The following RNASEH2B variants were observed in gnomAD, a reference collection of about 807,000 sequenced individuals.
RNASEH2B encodes the protein ribonuclease H2 subunit B.
Under a neutral mutation model 45.0 loss-of-function variants are expected in RNASEH2B, and 36 were observed. That is an observed-to-expected ratio of 0.80 (90% confidence interval 0.61 to 1.06). The LOEUF (loss-of-function observed/expected upper bound fraction) is 1.06, where lower values mean the gene tolerates loss of function less well. Among genes scored for constraint, RNASEH2B ranks in the 50% least tolerant of loss-of-function variants. RNASEH2B has a pLI of 0.00. For missense variants in RNASEH2B, 361 were observed against 360.3 expected (o/e 1.00, Z -0.02); for synonymous variants, 119 against 125.7 (o/e 0.95, Z 0.35).
At chr13:50,914,482 G>A (rs182847564) in intron 1 of RNASEH2B, among the ~76,000 whole-genome samples, 20 of 152,332 alleles carry the variant, frequency 1.3e-4, no homozygotes, top group Admixed American at 1.1e-3. Flanking sequence ...TCTACTGCAG[G>A]CAGTCAGCAG....
intron 8 of RNASEH2B, 104 bp downstream of exon 8, chr13:50,948,172 A>C (rs1427351202): frequency 3.2e-6 from 5 of 1,543,740 alleles, no homozygotes; most frequent in Non-Finnish European, 4.4e-6. Context: ...TTATGATACA[A>C]GATTATTCTT....
intron 9 of RNASEH2B, among the ~76,000 whole-genome samples, chr13:50,961,860 C>T (rs1454351614): frequency 6.6e-6 from 1 of 152,026 alleles, no homozygotes; most frequent in Non-Finnish European, 1.5e-5. Flanking sequence ...GAGAAAGTTT[C>T]CTTCTGTTCC....
chr13:50,969,397 A>C (rs1285441018), intron 9 of RNASEH2B, among the ~76,000 whole-genome samples: 2 of 152,064 alleles, frequency 1.3e-5, no homozygotes, highest in Admixed American at 6.5e-5. Flanking sequence ...AAACTTGTTC[A>C]GTACATTCTT....
At chr13:50,915,127 A>G (rs1879667306) in intron 1 of RNASEH2B, 1 of 256,974 alleles carries the variant, frequency 3.9e-6, no homozygotes, top group Non-Finnish European at 7.3e-6. Flanking sequence ...TCAAGCTTTT[A>G]GCCCTGGGCC....
intron 9 of RNASEH2B, chr13:50,950,464 A>T (rs1342693773): frequency 6.6e-6 from 1 of 152,212 alleles, no homozygotes; most frequent in Non-Finnish European, 1.5e-5. Context: ...TCAAAAAAAA[A>T]TGCATGTTTT....
intron 7 of RNASEH2B, 130 bp from the exon 8 acceptor site, chr13:50,947,857 A>C: frequency 6.9e-7 from 1 of 1,451,644 alleles, no homozygotes. Flanking sequence ...GAGAAAACTG[A>C]GGCTAGAGCT....
chr13:50,947,403 G>T (rs1191016253), intron 7 of RNASEH2B, among the ~76,000 whole-genome samples: 1 of 151,320 alleles, frequency 6.6e-6, no homozygotes, highest in Non-Finnish European at 1.5e-5. Context: ...GTGTGTGTGT[G>T]TGTGTGTGTG....
intron 10 of RNASEH2B, chr13:50,955,435 T>C (rs1029395658): frequency 6.6e-6 from 1 of 152,192 alleles, no homozygotes; most frequent in Non-Finnish European, 1.5e-5. Flanking sequence ...GTGCCACTTA[T>C]TGTATCCACT....
intron 1 of RNASEH2B, among the ~76,000 whole-genome samples, chr13:50,920,892 T>G (rs1951515538): frequency 6.6e-6 from 1 of 152,242 alleles, no homozygotes; most frequent in Non-Finnish European, 1.5e-5. Flanking sequence ...GATTTTTACA[T>G]ATAAAATGCA....
rs761906095 is a variant in RNASEH2B, at chr13:50,956,359, A to G, written c.824A>G (p.Lys275Arg). 5 of 1,594,592 alleles carry G rather than the reference A, an allele frequency of 3.1e-6. No individual in the cohort carries two copies. Among genetic ancestry groups the G allele is most frequent in the Non-Finnish European group, 4.3e-6 (5 of 1,167,218 alleles). Residue 275 changes from lysine (K) to arginine (R), a missense_variant and splice_region_variant, in exon 11 of 11, where the codon AAA becomes AGA. Coordinates refer to ENST00000336617, the MANE Select transcript of RNASEH2B (RefSeq NM_024570.4). Reference protein sequence around the residue: ...FNTKDLKTEKKNSKMTAAQKA... With the variant: ...FNTKDLKTEKRNSKMTAAQKA... ...TTTCTCTCTTATTTTCATTAACAGA[A>G]AAATAGCAAAATGACTGCAGCTCAG...
chr13:50,934,620 A>T (rs112939735), intron 4 of RNASEH2B: 12 of 475,402 alleles, frequency 2.5e-5, no homozygotes, highest in African/African-American at 1.8e-4. Context: ...GCTTTTGTAG[A>T]TTGATTTTCT....
At chr13:50,911,944 TAAACAC>T (rs1879425978) in intron 1 of RNASEH2B, 1 of 152,256 alleles carries the variant, frequency 6.6e-6, no homozygotes, top group Non-Finnish European at 1.5e-5. Flanking sequence ...GTCCTTGTAT[TAAACAC>T]AAAACCCTCA....
At chr13:50,935,473 A>G (rs1244484700) in intron 5 of RNASEH2B, 1 of 184,820 alleles carries the variant, frequency 5.4e-6, no homozygotes, top group Non-Finnish European at 1.2e-5. Context: ...ATGGGGGTCA[A>G]TGACAAGCTG....
At chr13:50,951,300 C>A (rs1951972806) in intron 9 of RNASEH2B, 1 of 152,060 alleles carries the variant, frequency 6.6e-6, no homozygotes, top group South Asian at 2.1e-4. Flanking sequence ...TGTCTGTATC[C>A]AGGATTTGAT....
chr13:50,941,025 G>C (rs892202237), intron 5 of RNASEH2B: 1 of 152,042 alleles, frequency 6.6e-6, no homozygotes, highest in Non-Finnish European at 1.5e-5. Flanking sequence ...TCGAAGATGG[G>C]GACAAATCAT....
chr13:50,919,777 C>T (rs961877645), intron 1 of RNASEH2B, among the ~76,000 whole-genome samples: 2 of 152,152 alleles, frequency 1.3e-5, no homozygotes, highest in African/African-American at 4.8e-5. Flanking sequence ...TGCACTCTGA[C>T]CTTCAGGCAG....
chr13:50,964,593 C>G (rs1047939994), intron 9 of RNASEH2B, among the ~76,000 whole-genome samples: 1 of 152,206 alleles, frequency 6.6e-6, no homozygotes, highest in Non-Finnish European at 1.5e-5. Flanking sequence ...CTGTACCATT[C>G]AAGCTTGTGT....
At chr13:50,943,169 AC>A (rs1319798290) in intron 5 of RNASEH2B, 151 bp from the exon 6 acceptor site, 18 of 615,606 alleles carry the variant, frequency 2.9e-5, no homozygotes, top group African/African-American at 1.5e-4. Flanking sequence ...ATTTAAAAAA[AC>A]ATTTCAAGTA....
Position 50,915,402 on chromosome 13 carries a change from T to C in RNASEH2B, c.64+5262T>C, listed in dbSNP as rs114118671. 308 of 398,604 alleles carry C rather than the reference T, an allele frequency of 7.7e-4. 1 individual carries two copies. The highest frequency in any genetic ancestry group is 5.4e-3 in the African/African-American group (262 of 48,746). 24.7% of individuals were successfully genotyped at this position (398,604 alleles called of 1,614,324 possible). On this transcript the variant is annotated intron_variant, in intron 1 of 10. Transcript: ENST00000336617. ...TATCTACCTGGCAAATTCCTACTTA[T>C]CCTTTAAACCCAGCTCAAGTATCAC...
Sources: gnomAD v4.1 joint callset for allele counts (sites outside exome capture counted in the v4.1 genomes callset) on GRCh38, gnomAD v4.1.1 for gene constraint, MANE v1.5 for transcripts, NCBI Gene and HGNC (gene_info 2026-07-23, HGNC 2026-07-21) for gene names.